The following LRRCC1 variants were observed in gnomAD, a reference collection of about 807,000 sequenced individuals.
LRRCC1 encodes leucine rich repeat and coiled-coil centrosomal protein 1.
Under a neutral mutation model 126.0 loss-of-function variants are expected in LRRCC1, and 115 were observed. The observed-to-expected ratio is 0.91, with a 90% CI of 0.78 to 1.07. The LOEUF (loss-of-function observed/expected upper bound fraction) is 1.07, where lower values mean the gene tolerates loss of function less well. Among genes scored for constraint, LRRCC1 ranks in the 50% least tolerant of loss-of-function variants. The pLI is 0.00. For missense variants in LRRCC1, 1,172 were observed against 1,175.7 expected (o/e 1.00, Z 0.05); for synonymous variants, 400 against 393.4 (o/e 1.02, Z -0.20).
In LRRCC1 at chr8:85,112,944, T is replaced by G; in HGVS notation, c.389T>G (p.Leu130Arg). Residue 130 changes from leucine to arginine, a missense_variant, in exon 4 of 19, where the codon CTT (leucine) becomes CGT (arginine). By Grantham distance (102) the Leu-to-Arg change is moderately radical. Transcript: ENST00000360375. ...GTTCCTATTGCAGGATTGATTCCCC[T>G]TCATGGAATTAAGCATAAACTTAGA... ...HIDDLSGLIP[L>R]HGIKHKLRYI... The G allele has an allele frequency of 6.4e-7, 1 of 1,569,588 alleles. No homozygotes were observed.
rs1288173822 is a variant in LRRCC1, at chr8:85,145,442, C to CA, written c.3037dup (p.Thr1013AsnfsTer7). On this transcript the variant is annotated frameshift_variant, in exon 19 of 19. Transcript: ENST00000360375. LOFTEE classifies it high-confidence loss of function. ...AACTTTTGGAAGAAACATGCAAGAACAAAAAAACAATGGAAGCAAAAATTA... is the reference window on the plus strand; with the variant it reads ...AACTTTTGGAAGAAACATGCAAGAACAAAAAAAACAATGGAAGCAAAAATTA... The CA allele has an allele frequency of 2.5e-6, 4 of 1,578,096 alleles. No individual in the cohort carries two copies. The Admixed American group carries it at 7.4e-5, about 29-fold the overall frequency.
In LRRCC1 at chr8:85,110,155, T is replaced by TAGAC. The variant is rs1808594021; in HGVS notation, c.351_352insAGAC (p.Tyr118ArgfsTer3). The TAGAC allele has an allele frequency of 7.5e-7, 1 of 1,340,896 alleles. No homozygotes were observed. Among genetic ancestry groups the TAGAC allele is most frequent in the Non-Finnish European group, 1.0e-6 (1 of 973,284 alleles). 83.1% of individuals were successfully genotyped at this position (1,340,896 alleles called of 1,614,324 possible). A position where few individuals can be genotyped will look rare whatever the true frequency, so the allele number is the denominator to read the frequency against. Reference sequence around the variant, plus strand: ...TTAATCTGACTAGACTAAATGTATCTTATAACCACATAGATGATCTTAGTG... The same window carrying TAGAC: ...TTAATCTGACTAGACTAAATGTATCTAGACTATAACCACATAGATGATCTTAGTG... On this transcript the variant is annotated frameshift_variant, in exon 3 of 19. Transcript: ENST00000360375. LOFTEE classifies it high-confidence loss of function.
intron 13 of LRRCC1, 141 bp from the exon 14 acceptor site, chr8:85,135,648 A>G: frequency 2.1e-6 from 1 of 484,054 alleles, no homozygotes; most frequent in Non-Finnish European, 3.3e-6. Context: ...GTCTTTAGTA[A>G]AACTAAAACT....
chr8:85,123,039 A>G (rs1324982451), intron 6 of LRRCC1, among the ~76,000 whole-genome samples: 1 of 152,158 alleles, frequency 6.6e-6, no homozygotes, highest in East Asian at 1.9e-4. Flanking sequence ...GACTCTCTGC[A>G]TGATGCTGAT....
At chr8:85,129,113 C>CT in intron 9 of LRRCC1, 62 bp from the exon 10 acceptor site, 1 of 1,243,530 alleles carries the variant, frequency 8.0e-7, no homozygotes, top group Non-Finnish European at 1.1e-6. Flanking sequence ...TCATTGAAGT[C>CT]AACAATTTTA....
rs773514193 is a variant in LRRCC1, at chr8:85,107,355, C to G, written c.60C>G (p.Asp20Glu). Residue 20 changes from aspartate to glutamate, a missense_variant, in exon 1 of 19, where the codon GAC becomes GAG. Transcript: ENST00000360375. ...AEAEVENEDGDSSCGDVCFMD... is the reference protein window; with the variant it reads ...AEAEVENEDGESSCGDVCFMD... ...CGGAAGTGGAAAACGAAGACGGCGA[C>G]AGCAGCTGCGGGGATGTATGCTTCA... 1.2e-6 allele frequency: 2 copies of G among 1,613,864 alleles called. No homozygotes were observed. Among genetic ancestry groups the G allele is most frequent in the Admixed American group, 1.7e-5 (1 of 60,022 alleles).
At chr8:85,134,658 C>G (rs1345358731) in intron 12 of LRRCC1, among the ~76,000 whole-genome samples, 189 bp from the exon 13 acceptor site, 1 of 152,100 alleles carries the variant, frequency 6.6e-6, no homozygotes. Flanking sequence ...GTCACTAATT[C>G]CCTGGGTCAC....
chr8:85,136,061 C>T (rs958550904), intron 14 of LRRCC1, 98 bp downstream of exon 14: 1 of 1,054,962 alleles, frequency 9.5e-7, no homozygotes, highest in Non-Finnish European at 1.3e-6. Context: ...CCTAAAGATG[C>T]CAAGAAAAAA....
intron 7 of LRRCC1, among the ~76,000 whole-genome samples, chr8:85,124,453 A>C (rs946770628): frequency 6.6e-6 from 1 of 152,134 alleles, no homozygotes. Flanking sequence ...TTTAACTCTC[A>C]AAGAGTAGTT....
At chr8:85,136,881 A>G (rs1306504984) in intron 14 of LRRCC1, among the ~76,000 whole-genome samples, 1 of 152,112 alleles carries the variant, frequency 6.6e-6, no homozygotes, top group African/African-American at 2.4e-5. Flanking sequence ...GCTGAAGTGC[A>G]GTGGTGTGAT....
intron 3 of LRRCC1, among the ~76,000 whole-genome samples, chr8:85,112,472 G>A (rs1008741480): frequency 1.3e-5 from 2 of 152,180 alleles, no homozygotes; most frequent in Non-Finnish European, 2.9e-5. Context: ...GCTACAAAAT[G>A]TTCTAGATAA....
At chr8:85,144,440 GTGTGTATATATATATA>G (rs1432634922) in intron 18 of LRRCC1, among the ~76,000 whole-genome samples, 12 of 37,238 alleles carry the variant, frequency 3.2e-4, no homozygotes, top group African/African-American at 1.2e-3. Flanking sequence ...GTGTGTGTGT[GTGTGTATATATATATA>G]TATATATATA....
At position 85,129,266 on chromosome 8, in the gene LRRCC1, G is replaced by T; in HGVS notation, c.1513G>T (p.Val505Phe). The change falls in exon 10 of 19, where the codon GTT (valine) becomes TTT (phenylalanine). Residue 505 changes from valine (V) to phenylalanine (F), a missense_variant. By Grantham distance (50) the Val-to-Phe change is conservative (BLOSUM62 -1). Transcript: ENST00000360375. ...TCAAAATGAAATTAAAAAACTGACT[G>T]TTGAACTAATGAAAGCAAAAGATCA... ...KLQNEIKKLT[V>F]ELMKAKDQQE... 1.2e-6 allele frequency: 2 copies of T among 1,613,484 alleles called. No individual in the cohort carries two copies. Among genetic ancestry groups the T allele is most frequent in the Non-Finnish European group, 1.7e-6 (2 of 1,179,580 alleles).
At chr8:85,138,746 T>C (rs925757547) in intron 17 of LRRCC1, among the ~76,000 whole-genome samples, 1 of 152,178 alleles carries the variant, frequency 6.6e-6, no homozygotes. Context: ...GCCTGACACA[T>C]AAGAATTGCT....
intron 9 of LRRCC1, among the ~76,000 whole-genome samples, chr8:85,128,021 T>A (rs1411469627): frequency 1.3e-5 from 2 of 152,226 alleles, no homozygotes; most frequent in Admixed American, 1.3e-4. Context: ...GACTGAGTCA[T>A]GGACAGATAG....
At chr8:85,129,104 C>T (rs1200855634) in intron 9 of LRRCC1, 71 bp from the exon 10 acceptor site, 6 of 1,091,484 alleles carry the variant, frequency 5.5e-6, no homozygotes, top group East Asian at 4.7e-5. Context: ...AGAGTACTCT[C>T]ATTGAAGTCA....
At chr8:85,126,547 G>A (rs899235473) in intron 8 of LRRCC1, 142 bp from the exon 9 acceptor site, 7 of 683,450 alleles carry the variant, frequency 1.0e-5, no homozygotes, top group African/African-American at 3.7e-5. Flanking sequence ...GGCAGAGTGA[G>A]ACTCAAAAAA....
rs770639195 is a variant in LRRCC1, at chr8:85,115,111, G to T, written c.556G>T (p.Val186Phe). 6 of 1,601,702 alleles carry T rather than the reference G, an allele frequency of 3.7e-6. No homozygotes were observed. In the East Asian group the frequency reaches 1.3e-4, roughly 36 times the overall value. Residue 186 changes from valine (V) to phenylalanine (F), a missense_variant, in exon 5 of 19, where the codon GTT (valine) becomes TTT (phenylalanine). Physicochemically the swap from Val to Phe is conservative, Grantham distance 50. Transcript: ENST00000360375. The stretch of plus-strand genomic sequence containing the variant: ...GATTTGTTTCCAAGGGTACAGAGCA[G>T]TTATTCTCCAGACTTTGCCACAGCT... ...PVCRLPGYRA[V>F]ILQTLPQLRI... is the part of the protein sequence containing the mutation.
intron 18 of LRRCC1, among the ~76,000 whole-genome samples, chr8:85,144,472 ATATT>A (rs1480960529): frequency 0.2 from 5,718 of 29,210 alleles, 128 homozygotes; most frequent in Non-Finnish European, 0.25. Context: ...ATATATATAT[ATATT>A]TTTTTTTTTT....
Sources: gnomAD v4.1 joint callset for allele counts (sites outside exome capture counted in the v4.1 genomes callset) on GRCh38, gnomAD v4.1.1 for gene constraint, MANE v1.5 for transcripts, NCBI Gene and HGNC (gene_info 2026-07-23, HGNC 2026-07-21) for gene names.